The following DROSHA variants were observed in gnomAD, a reference collection of about 807,000 sequenced individuals.
The protein encoded by DROSHA is drosha ribonuclease III.
DROSHA carries 56 observed loss-of-function variants against 181.9 expected under a neutral mutation model. That is an observed-to-expected ratio of 0.31 (90% CI 0.25 to 0.38). The LOEUF is 0.38. DROSHA is among the 10% of genes least tolerant of loss of function. The probability of loss-of-function intolerance (pLI) is 1.00; values close to 1 mark genes in which losing one functional copy is unlikely to be tolerated. For missense variants in DROSHA, 1,218 were observed against 1,743.5 expected (o/e 0.70, Z 5.37); for synonymous variants, 524 against 591.2 (o/e 0.89, Z 1.65).
At chr5:31,484,994 G>A in intron 14 of DROSHA, 32 bp from the exon 15 acceptor site, 1 of 1,478,518 alleles carries the variant, frequency 6.8e-7, no homozygotes, top group South Asian at 1.3e-5. Flanking sequence ...AATTACTGTA[G>A]TTTGGCAAAA....
At chr5:31,407,015 G>A in intron 33 of DROSHA, 70 bp from the exon 34 acceptor site, 1 of 1,343,296 alleles carries the variant, frequency 7.4e-7, no homozygotes, top group Non-Finnish European at 1.0e-6. Flanking sequence ...GTAACTATGA[G>A]GAAAACCATG....
rs3805515 is a variant in DROSHA, at chr5:31,431,094, G to A, written c.3145+482C>T. On this transcript the variant is annotated intron_variant, in intron 26 of 35. Coordinates refer to ENST00000344624, the MANE Select transcript of DROSHA (RefSeq NM_001382508.1). ...AATGTCAACATCAGTCTTGCTTCAA[G>A]TGAATCAATAACAGTTATACAGACT... 5.9e-5 allele frequency among the ~76,000 whole-genome samples: 9 copies of A among 152,322 alleles called. No individual in the cohort carries two copies. In the East Asian group the frequency reaches 1.5e-3, roughly 26 times the overall value.
intron 23 of DROSHA, among the ~76,000 whole-genome samples, chr5:31,439,441 A>G (rs1274006078): frequency 1.3e-5 from 2 of 152,166 alleles, no homozygotes; most frequent in Non-Finnish European, 2.9e-5. Flanking sequence ...GCAAAGCACA[A>G]GAGTCATGAT....
Position 31,405,760 on chromosome 5 carries a change from C to G in DROSHA, c.3948-37G>C, listed in dbSNP as rs767953003. 22 of 470,142 alleles carry G rather than the reference C, an allele frequency of 4.7e-5. No homozygotes were observed. The South Asian group carries it at 6.3e-4, about 13-fold the overall frequency. 29.1% of individuals were successfully genotyped at this position (470,142 alleles called of 1,614,324 possible). A position where few individuals can be genotyped will look rare whatever the true frequency, so the allele number is the denominator to read the frequency against. Reference sequence around the variant, plus strand: ...AATAAAGTAAGACATACTTTAATTTCAAGATTCTTTTTTTTTTTTTTTTTT... The same window carrying G: ...AATAAAGTAAGACATACTTTAATTTGAAGATTCTTTTTTTTTTTTTTTTTT... On this transcript the variant is annotated intron_variant, in intron 34 of 35. Coordinates refer to ENST00000344624, the MANE Select transcript of DROSHA (RefSeq NM_001382508.1).
intron 11 of DROSHA, among the ~76,000 whole-genome samples, chr5:31,500,739 G>T (rs765475399): frequency 3.3e-5 from 5 of 152,136 alleles, no homozygotes; most frequent in Admixed American, 6.5e-5. Context: ...GCAGTAATAG[G>T]GATGACAGAA....
intron 30 of DROSHA, among the ~76,000 whole-genome samples, chr5:31,419,679 G>A (rs986014735): frequency 1.3e-5 from 2 of 152,120 alleles, no homozygotes; most frequent in African/African-American, 4.8e-5. Context: ...GAATACCAGG[G>A]GAAATGTGTG....
chr5:31,428,517 T>C (rs1321689705), intron 27 of DROSHA, among the ~76,000 whole-genome samples: 1 of 152,230 alleles, frequency 6.6e-6, no homozygotes, highest in Non-Finnish European at 1.5e-5. Flanking sequence ...CATCTGTAGA[T>C]AATCTTCCCA....
chr5:31,505,731 T>C (rs1342821054), intron 10 of DROSHA: 1 of 152,182 alleles, frequency 6.6e-6, no homozygotes, highest in Non-Finnish European at 1.5e-5. Flanking sequence ...TCACAGCCAG[T>C]TACAGATTTC....
chr5:31,461,157 G>A (rs1748361898), intron 20 of DROSHA, among the ~76,000 whole-genome samples: 1 of 152,226 alleles, frequency 6.6e-6, no homozygotes, highest in South Asian at 2.1e-4. Flanking sequence ...GGTCATTAAT[G>A]CTACATGATA....
At chr5:31,416,303 C>T (rs1013029608) in intron 30 of DROSHA, among the ~76,000 whole-genome samples, 4 of 152,186 alleles carry the variant, frequency 2.6e-5, no homozygotes, top group African/African-American at 4.8e-5. Flanking sequence ...ATATATAAAG[C>T]AACAGTCCAC....
intron 29 of DROSHA, 32 bp from the exon 30 acceptor site, chr5:31,421,409 A>G: frequency 6.5e-7 from 1 of 1,531,264 alleles, no homozygotes; most frequent in South Asian, 1.1e-5. Context: ...TAAAGAAATC[A>G]ATAACCATTT....
intron 24 of DROSHA, among the ~76,000 whole-genome samples, 199 bp from the exon 25 acceptor site, chr5:31,436,063 C>T (rs1209191425): frequency 6.6e-6 from 1 of 152,152 alleles, no homozygotes; most frequent in African/African-American, 2.4e-5. Flanking sequence ...CAGACAGCAC[C>T]ATTCACTTGT....
intron 4 of DROSHA, chr5:31,527,634 G>C (rs748845265): frequency 2.6e-5 from 4 of 152,832 alleles, no homozygotes; most frequent in Non-Finnish European, 5.9e-5. Context: ...AAAGAGAAAA[G>C]AAATCCCTGC....
intron 23 of DROSHA, 66 bp from the exon 24 acceptor site, chr5:31,437,364 C>A: frequency 8.5e-7 from 1 of 1,182,756 alleles, no homozygotes; most frequent in Non-Finnish European, 1.1e-6. Flanking sequence ...CCACCCACCC[C>A]CGCAAGAAAA....
chr5:31,500,266 T>C (rs1353624181), intron 11 of DROSHA, among the ~76,000 whole-genome samples: 1 of 152,210 alleles, frequency 6.6e-6, no homozygotes, highest in East Asian at 1.9e-4. Context: ...TTCAAAAGAA[T>C]TGCAGGAACT....
chr5:31,424,315 T>C lies in DROSHA; in HGVS notation c.3261+112A>G. Reference sequence around the variant, plus strand: ...CTGACACCTCAGCTTAAAGGCACAATGCCACCGAAGAGAATCAAAAGATAA... The same window carrying C: ...CTGACACCTCAGCTTAAAGGCACAACGCCACCGAAGAGAATCAAAAGATAA... On this transcript the variant is annotated intron_variant, in intron 28 of 35. Coordinates refer to ENST00000344624, the MANE Select transcript of DROSHA (RefSeq NM_001382508.1). 3 of 1,354,676 alleles carry C rather than the reference T, an allele frequency of 2.2e-6. No individual in the cohort carries two copies. The South Asian group carries it at 3.8e-5, about 17-fold the overall frequency. 83.9% of individuals were successfully genotyped at this position (1,354,676 alleles called of 1,614,324 possible). A position where few individuals can be genotyped will look rare whatever the true frequency, so the allele number is the denominator to read the frequency against.
At chr5:31,502,366 C>T (rs963249948) in intron 11 of DROSHA, among the ~76,000 whole-genome samples, 4 of 152,196 alleles carry the variant, frequency 2.6e-5, no homozygotes, top group African/African-American at 9.7e-5. Context: ...TGGTCCCTGA[C>T]GTTCTGAAGC....
chr5:31,421,282 C>A lies in DROSHA; in HGVS notation c.3515G>T (p.Gly1172Val). The A allele has an allele frequency of 6.2e-7, 1 of 1,613,084 alleles. No homozygotes were observed. Among genetic ancestry groups the A allele is most frequent in the South Asian group, 1.1e-5 (1 of 91,040 alleles). ...LFIHFPDHHE[G>V]HLTLLRSSLV... ...ATTTAACCAACTCACAGTTAAGTGT[C>A]CTTCATGATGATCTGGGAAATGAAT... is the stretch of plus-strand genomic sequence containing the variant. Residue 1172 changes from glycine to valine, a missense_variant, in exon 30 of 36, where the codon GGA becomes GTA. Gly to Val is a moderately radical substitution (Grantham distance 109). Coordinates refer to ENST00000344624, the MANE Select transcript of DROSHA (RefSeq NM_001382508.1).
intron 12 of DROSHA, 32 bp from the exon 13 acceptor site, chr5:31,493,325 T>G (rs764669578): frequency 6.4e-7 from 1 of 1,553,370 alleles, no homozygotes; most frequent in East Asian, 2.3e-5. Flanking sequence ...AACCCCAAAT[T>G]AAATAAATGA....
Sources: allele counts gnomAD v4.1 joint callset (sites outside exome capture counted in the v4.1 genomes callset), GRCh38; gene constraint gnomAD v4.1.1; transcripts MANE v1.5; gene names NCBI Gene and HGNC (gene_info 2026-07-23, HGNC 2026-07-21).